The following HAX1 variants were observed in gnomAD, a reference collection of about 807,000 sequenced individuals.
The protein encoded by HAX1 is HCLS1-associated protein X-1.
In HAX1, 27 loss-of-function variants were observed where a neutral mutation model predicts 31.1. The ratio of observed to expected loss-of-function variants is 0.87; its 90% confidence interval spans 0.64 to 1.20. HAX1 has a LOEUF of 1.20. Among genes scored for constraint, HAX1 ranks in the 50% most tolerant of loss-of-function variants. The probability of loss-of-function intolerance (pLI) is 0.00; values close to 1 mark genes in which losing one functional copy is unlikely to be tolerated. For synonymous variants in HAX1, 114 were observed against 124.1 expected (o/e 0.92, Z 0.54); for missense variants, 357 against 361.6 (o/e 0.99, Z 0.10).
chr1:154,273,949 G>A lies in HAX1; in HGVS notation c.492G>A (p.Arg164=). Residue 164 remains arginine, a synonymous_variant, in exon 3 of 7, where the codon AGG becomes AGA. Coordinates refer to ENST00000328703, the MANE Select transcript of HAX1 (RefSeq NM_006118.4). ...PQPAPDWGSQ[R]PFHRFDDVWP... Reference sequence around the variant, plus strand: ...CAGCACCAGACTGGGGCTCCCAGAGGCCATTTCATAGGGTGAGTATCCCAT... The same window carrying A: ...CAGCACCAGACTGGGGCTCCCAGAGACCATTTCATAGGGTGAGTATCCCAT... The A allele has an allele frequency of 4.3e-6, 7 of 1,613,936 alleles. No individual in the cohort carries two copies. Among genetic ancestry groups the A allele is most frequent in the Non-Finnish European group, 5.9e-6 (7 of 1,179,852 alleles).
rs541692174 is a variant in HAX1 at position 154,273,919 on chromosome 1, C to G, written c.462C>G (p.Pro154=). The G allele has an allele frequency of 1.9e-6, 3 of 1,614,106 alleles. No individual in the cohort carries two copies. Among genetic ancestry groups the G allele is most frequent in the East Asian group, 2.2e-5 (1 of 44,860 alleles). ...VLESDARSES[P]QPAPDWGSQR... ...AGAGTGATGCAAGAAGTGAATCCCC[C>G]CAACCAGCACCAGACTGGGGCTCCC... The change falls in exon 3 of 7, where the codon CCC becomes CCG. Residue 154 remains proline (P), a synonymous_variant. Coordinates refer to ENST00000328703, the MANE Select transcript of HAX1 (RefSeq NM_006118.4).
At chr1:154,274,817 A>G (rs764661547) in intron 3 of HAX1, 133 bp from the exon 4 acceptor site, 1 of 727,512 alleles carries the variant, frequency 1.4e-6, no homozygotes, top group South Asian at 1.5e-5. Flanking sequence ...GGAGTGTGTA[A>G]ATAAGGCTAT....
Position 154,275,651 on chromosome 1 carries a change from G to A in HAX1, c.790G>A (p.Ala264Thr), listed in dbSNP as rs1684917090. ...ACCAAGACCTCCAGCCCTGGATGAT[G>A]CCTTTTCCATCCTGGACTTATTCCT... ...ESPRPPALDD[A>T]FSILDLFLGR... The change falls in exon 7 of 7, where the codon GCC (alanine) becomes ACC (threonine). Residue 264 changes from alanine to threonine, a missense_variant. By Grantham distance (58) the Ala-to-Thr change is moderately conservative. Coordinates refer to ENST00000328703, the MANE Select transcript of HAX1 (RefSeq NM_006118.4). 6.2e-7 allele frequency: 1 copy of A among 1,613,824 alleles called. No homozygotes were observed. The highest frequency in any genetic ancestry group is 1.3e-5 in the African/African-American group (1 of 74,894).
intron 1 of HAX1, 63 bp downstream of exon 1, chr1:154,272,839 C>T: frequency 2.7e-6 from 4 of 1,458,152 alleles, no homozygotes; most frequent in Non-Finnish European, 3.8e-6. Flanking sequence ...ACCCCTACGT[C>T]TTATTTTTGG....
At position 154,274,971 on chromosome 1, in the gene HAX1, G is replaced by A. The variant is rs149409924; in HGVS notation, c.526G>A (p.Asp176Asn). The change falls in exon 4 of 7, where the codon GAC becomes AAC. Residue 176 changes from aspartate to asparagine, a missense_variant. Transcript: ENST00000328703. The part of the protein sequence containing the change: ...FHRFDDVWPM[D>N]PHPRTREDND... ...GCAGTTTGATGATGTATGGCCTATG[G>A]ACCCCCATCCTAGAACCAGAGAGGA... is the stretch of plus-strand genomic sequence containing the variant. 1 of 1,611,466 alleles carries A rather than the reference G, an allele frequency of 6.2e-7. No homozygotes were observed. Among genetic ancestry groups the A allele is most frequent in the African/African-American group, 1.3e-5 (1 of 74,858 alleles).
At chr1:154,273,150 T>TAAAAAAAAAAAA in intron 1 of HAX1, 186 bp from the exon 2 acceptor site, 1 of 516,466 alleles carries the variant, frequency 1.9e-6, no homozygotes, top group Non-Finnish European at 3.4e-6. Context: ...TGACTTTGAT[T>TAAAAAAAAAAAA]AAAAAAAAAA....
chr1:154,274,180 G>T (rs529219327), intron 3 of HAX1, among the ~76,000 whole-genome samples: 3 of 152,158 alleles, frequency 2.0e-5, no homozygotes, highest in South Asian at 4.1e-4. Flanking sequence ...ATGGTGGCAG[G>T]TGCCTGTAAT....
chr1:154,274,088 A>T, intron 3 of HAX1, 127 bp downstream of exon 3: 1 of 818,870 alleles, frequency 1.2e-6, no homozygotes, highest in South Asian at 1.4e-5. Flanking sequence ...TGGGCAGATC[A>T]CCAGAGGTCA....
intron 1 of HAX1, 171 bp from the exon 2 acceptor site, chr1:154,273,165 A>C (rs1684842428): frequency 2.9e-6 from 2 of 684,598 alleles, no homozygotes; most frequent in African/African-American, 3.6e-5. Context: ...AAAAAAAAAA[A>C]AAAAAAGAAC....
rs1416396035 is a variant in HAX1 at position 154,273,468 on chromosome 1, C to T, written c.186C>T (p.Gly62=). 1 of 1,614,174 alleles carries T rather than the reference C, an allele frequency of 6.2e-7. No homozygotes were observed. Among genetic ancestry groups the T allele is most frequent in the Admixed American group, 1.7e-5 (1 of 60,016 alleles). The change falls in exon 2 of 7, where the codon GGC becomes GGT. Residue 62 remains glycine (G), a synonymous_variant. Coordinates refer to ENST00000328703, the MANE Select transcript of HAX1 (RefSeq NM_006118.4). ...CTCAGCACCCCCCTGAGGAATTTGG[C>T]TTCGGCTTCAGCTTCAGCCCAGGAG... ...HSPQHPPEEF[G]FGFSFSPGGG...
At chr1:154,273,241 G>T in intron 1 of HAX1, 95 bp from the exon 2 acceptor site, 9 of 1,486,296 alleles carry the variant, frequency 6.1e-6, no homozygotes, top group Non-Finnish European at 8.4e-6. Flanking sequence ...TAGCTTCCCA[G>T]ACCCCTTGCT....
Position 154,273,220 on chromosome 1 carries a change from G to A in HAX1, c.54-116G>A, listed in dbSNP as rs1377072901. On this transcript the variant is annotated intron_variant, in intron 1 of 6. Coordinates refer to ENST00000328703, the MANE Select transcript of HAX1 (RefSeq NM_006118.4). ...GTTTTGATGTGGCAGCCAGTCCTCCGACCCTCTCCCTAGCTTCCCAGACCC... is the reference window on the plus strand; with the variant it reads ...GTTTTGATGTGGCAGCCAGTCCTCCAACCCTCTCCCTAGCTTCCCAGACCC... 4 of 1,154,724 alleles carry A rather than the reference G, an allele frequency of 3.5e-6. No homozygotes were observed. The Admixed American group carries it at 5.4e-5, about 16-fold the overall frequency. 71.5% of individuals were successfully genotyped at this position (1,154,724 alleles called of 1,614,324 possible).
At position 154,274,976 on chromosome 1, in the gene HAX1, C is replaced by T. The variant is rs1684900811; in HGVS notation, c.531C>T (p.Pro177=). The T allele has an allele frequency of 6.2e-7, 1 of 1,611,518 alleles. No homozygotes were observed. The highest frequency in any genetic ancestry group is 1.1e-5 in the South Asian group (1 of 91,014). ...HRFDDVWPMD[P]HPRTREDNDL... ...TTGATGATGTATGGCCTATGGACCC[C>T]CATCCTAGAACCAGAGAGGACAATG... Residue 177 remains proline, a synonymous_variant, in exon 4 of 7, where the codon CCC becomes CCT. Coordinates refer to ENST00000328703, the MANE Select transcript of HAX1 (RefSeq NM_006118.4).
In HAX1 at chr1:154,272,758, G is replaced by T. The variant is rs759571352; in HGVS notation, c.35G>T (p.Gly12Val). The T allele has an allele frequency of 1.2e-6, 2 of 1,614,192 alleles. No homozygotes were observed. The highest frequency in any genetic ancestry group is 4.5e-5 in the East Asian group (2 of 44,880). Residue 12 changes from glycine to valine, a missense_variant, in exon 1 of 7, where the codon GGC becomes GTC. By Grantham distance (109) the Gly-to-Val change is moderately radical. Coordinates refer to ENST00000328703, the MANE Select transcript of HAX1 (RefSeq NM_006118.4). ...TTTGATCTCTTCCGGGGCTTTTTCGGCTTTCCTGGACCTCGGAGGTGAGAG... is the reference window on the plus strand; with the variant it reads ...TTTGATCTCTTCCGGGGCTTTTTCGTCTTTCCTGGACCTCGGAGGTGAGAG... ...SLFDLFRGFF[G>V]FPGPRSHRDP...
rs748355806 is a variant in HAX1 at position 154,272,810 on chromosome 1, G to T, written c.53+34G>T. On this transcript the variant is annotated intron_variant, in intron 1 of 6. Transcript: ENST00000328703. ...AGGTCCGGCTCGGACAAGGGTGGGG[G>T]TCGTCTGAGGGGAGCTTGACCCCTA... is the stretch of plus-strand genomic sequence containing the variant. 3.8e-6 allele frequency: 6 copies of T among 1,591,904 alleles called. No individual in the cohort carries two copies. The East Asian group carries it at 6.7e-5, about 18-fold the overall frequency.
Position 154,273,362 on chromosome 1 carries a change from T to A in HAX1, c.80T>A (p.Met27Lys). 6.2e-7 allele frequency: 1 copy of A among 1,613,626 alleles called. No individual in the cohort carries two copies. Among genetic ancestry groups the A allele is most frequent in the Admixed American group, 1.7e-5 (1 of 59,974 alleles). The stretch of plus-strand genomic sequence containing the variant: ...CACAGAGATCCCTTTTTTGGAGGGA[T>A]GACTCGAGATGAAGATGATGATGAG... ...RSHRDPFFGG[M>K]TRDEDDDEEE... Residue 27 changes from methionine to lysine, a missense_variant, in exon 2 of 7, where the codon ATG (methionine) becomes AAG (lysine). Transcript: ENST00000328703.
chr1:154,273,074 G>A (rs1684835475), intron 1 of HAX1: 1 of 601,514 alleles, frequency 1.7e-6, no homozygotes, highest in Non-Finnish European at 2.9e-6. Flanking sequence ...GGAGAGAGAG[G>A]AGGGACTGGG....
Position 154,272,637 on chromosome 1 carries a change from G to C in HAX1, c.-87G>C, listed in dbSNP as rs935115112. 45 of 1,385,438 alleles carry C rather than the reference G, an allele frequency of 3.2e-5. No homozygotes were observed. Among genetic ancestry groups the C allele is most frequent in the Non-Finnish European group, 4.3e-5 (42 of 977,924 alleles). The allele number at this position is 1,385,438 out of a possible 1,614,324, so 85.8% of individuals were successfully genotyped here. A position where few individuals can be genotyped will look rare whatever the true frequency, so the allele number is the denominator to read the frequency against. On this transcript the variant is annotated 5_prime_UTR_variant, in exon 1 of 7. Coordinates refer to ENST00000328703, the MANE Select transcript of HAX1 (RefSeq NM_006118.4). ...TTCCGGTAGCGTGGGCTGACGCCTC[G>C]CTCAATTTCTCACAGGGCTGCGCAG...
intron 3 of HAX1, among the ~76,000 whole-genome samples, chr1:154,274,702 A>C (rs1346753257): frequency 6.6e-6 from 1 of 152,182 alleles, no homozygotes; most frequent in Non-Finnish European, 1.5e-5. Flanking sequence ...AAAAAACACC[A>C]CTGGTCTAGA....
Sources: allele counts gnomAD v4.1 joint callset (sites outside exome capture counted in the v4.1 genomes callset), GRCh38; gene constraint gnomAD v4.1.1; transcripts MANE v1.5; gene names NCBI Gene and HGNC (gene_info 2026-07-23, HGNC 2026-07-21).